PCDH17: variants seen among roughly 807,000 people sequenced by gnomAD.
The protein encoded by PCDH17 is protocadherin 17, also known as protocadherin-17.
Under a neutral mutation model 67.7 loss-of-function variants are expected in PCDH17, and 21 were observed. The ratio of observed to expected loss-of-function variants is 0.31; its 90% CI spans 0.22 to 0.45. PCDH17 has a LOEUF of 0.45. Among genes scored for constraint, PCDH17 ranks in the 20% least tolerant of loss-of-function variants. The pLI is 1.00. For synonymous variants in PCDH17, 701 were observed against 656.7 expected (o/e 1.07, Z -1.03); for missense variants, 1,471 against 1,564.8 (o/e 0.94, Z 1.01).
At chr13:57,662,089 A>G (rs1955191204) in intron 1 of PCDH17, among the ~76,000 whole-genome samples, 1 of 151,932 alleles carries the variant, frequency 6.6e-6, no homozygotes, top group Non-Finnish European at 1.5e-5. Context: ...CTGGTCTCGA[A>G]CTCCTGGCCT....
At chr13:57,699,195 A>T (rs975818764) in intron 3 of PCDH17, among the ~76,000 whole-genome samples, 1 of 152,032 alleles carries the variant, frequency 6.6e-6, no homozygotes, top group Non-Finnish European at 1.5e-5. Flanking sequence ...CAAAAGAGAT[A>T]TTAGAAAGTT....
chr13:57,681,825 C>G (rs1240759323), intron 3 of PCDH17, among the ~76,000 whole-genome samples: 1 of 151,714 alleles, frequency 6.6e-6, no homozygotes, highest in African/African-American at 2.4e-5. Flanking sequence ...AATAAGATCA[C>G]TTTTTATTTT....
intron 3 of PCDH17, among the ~76,000 whole-genome samples, chr13:57,712,917 A>G (rs948962862): frequency 1.3e-5 from 2 of 151,652 alleles, no homozygotes; most frequent in African/African-American, 4.8e-5. Context: ...CTGATTATCA[A>G]TGGAATCGCA....
At chr13:57,636,920 T>A (rs1954830981) in intron 1 of PCDH17, among the ~76,000 whole-genome samples, 2 of 152,100 alleles carry the variant, frequency 1.3e-5, no homozygotes, top group South Asian at 4.1e-4. Flanking sequence ...TGGTGCAGAA[T>A]TTTCAACAAG....
intron 1 of PCDH17, among the ~76,000 whole-genome samples, chr13:57,640,658 A>T (rs535172737): frequency 6.6e-6 from 1 of 152,140 alleles, no homozygotes; most frequent in African/African-American, 2.4e-5. Flanking sequence ...GTTGAAGCCT[A>T]TGTAGACGAA....
At chr13:57,724,582 G>T (rs777409737) in intron 3 of PCDH17, 30 bp from the exon 4 acceptor site, 53 of 1,563,008 alleles carry the variant, frequency 3.4e-5, no homozygotes, top group Non-Finnish European at 4.4e-5. Flanking sequence ...TCTAATGATT[G>T]GATTTGCTGT....
upstream of PCDH17, among the ~76,000 whole-genome samples, chr13:57,631,396 C>T (rs903280470): frequency 2.0e-5 from 3 of 152,142 alleles, no homozygotes; most frequent in African/African-American, 4.8e-5. Flanking sequence ...GGCCTCCCCC[C>T]TCCTCCTTTA....
chr13:57,672,865 C>T (rs971109319), intron 3 of PCDH17, among the ~76,000 whole-genome samples: 1 of 151,898 alleles, frequency 6.6e-6, no homozygotes, highest in Non-Finnish European at 1.5e-5. Flanking sequence ...ATTCCTGTGG[C>T]CCAATAGCAA....
intron 1 of PCDH17, among the ~76,000 whole-genome samples, chr13:57,656,359 G>C (rs1340218630): frequency 6.6e-6 from 1 of 151,928 alleles, no homozygotes; most frequent in Non-Finnish European, 1.5e-5. Flanking sequence ...TTATTAGCAG[G>C]TTTCTTAAAT....
chr13:57,690,323 CA>C (rs1286416725), intron 3 of PCDH17, among the ~76,000 whole-genome samples: 1 of 151,616 alleles, frequency 6.6e-6, no homozygotes, highest in East Asian at 1.9e-4. Context: ...TATTGGAACA[CA>C]TCTCTAAAAG....
chr13:57,657,193 A>T (rs1403925419), intron 1 of PCDH17, among the ~76,000 whole-genome samples: 4 of 152,284 alleles, frequency 2.6e-5, no homozygotes, highest in Admixed American at 2.6e-4. Flanking sequence ...TAAGAAAAAA[A>T]TCTAAGTCAT....
At chr13:57,658,218 T>C (rs531993075) in intron 1 of PCDH17, among the ~76,000 whole-genome samples, 48 of 152,318 alleles carry the variant, frequency 3.2e-4, no homozygotes, top group African/African-American at 1.2e-3. Flanking sequence ...CTTTTCTTCC[T>C]TAGTCTCTAA....
At chr13:57,670,092 T>A (rs1365272103) in intron 3 of PCDH17, among the ~76,000 whole-genome samples, 1 of 152,022 alleles carries the variant, frequency 6.6e-6, no homozygotes, top group Admixed American at 6.6e-5. Flanking sequence ...GAAGGCAGTA[T>A]AGAAATTTAA....
intron 1 of PCDH17, among the ~76,000 whole-genome samples, chr13:57,652,477 G>A (rs1041984812): frequency 9.2e-5 from 14 of 152,080 alleles, no homozygotes; most frequent in African/African-American, 2.9e-4. Flanking sequence ...TCTAGATATT[G>A]TAAATTTCTT....
At chr13:57,701,576 A>C (rs917030233) in intron 3 of PCDH17, among the ~76,000 whole-genome samples, 4 of 152,116 alleles carry the variant, frequency 2.6e-5, no homozygotes, top group African/African-American at 4.8e-5. Flanking sequence ...ATATTTTTTA[A>C]TAGAGAAGTA....
intron 1 of PCDH17, among the ~76,000 whole-genome samples, chr13:57,648,484 G>T (rs1294141854): frequency 6.6e-6 from 1 of 151,910 alleles, no homozygotes; most frequent in Non-Finnish European, 1.5e-5. Context: ...AAGTTAATTA[G>T]ATAAGAGCCA....
intron 3 of PCDH17, among the ~76,000 whole-genome samples, chr13:57,723,357 C>T (rs1955887062): frequency 6.6e-6 from 1 of 152,070 alleles, no homozygotes; most frequent in Non-Finnish European, 1.5e-5. Flanking sequence ...TAATTATTTA[C>T]ATGCTTTAAG....
At position 57,633,335 on chromosome 13, in the gene PCDH17, C is replaced by T. The variant is rs1312870123; in HGVS notation, c.789C>T (p.Ile263=). The T allele has an allele frequency of 6.2e-7, 1 of 1,613,224 alleles. No individual in the cohort carries two copies. Among genetic ancestry groups the T allele is most frequent in the Non-Finnish European group, 8.5e-7 (1 of 1,180,004 alleles). ...PENAPLGTVV[I]DLNATDADEG... ...ACGCTCCGCTGGGTACAGTGGTCAT[C>T]GATCTGAACGCCACCGACGCCGATG... is the stretch of plus-strand genomic sequence containing the variant. Residue 263 remains isoleucine (I), a synonymous_variant, in exon 1 of 4, where the codon ATC becomes ATT. Transcript: ENST00000377918. The surrounding 1 kb of genome is among the most constrained non-coding windows in gnomAD (Gnocchi z 6.2).
rs551266059 is a variant in PCDH17 at position 57,680,383 on chromosome 13, T to A, written c.2797+13550T>A. ...AGATGTAGCAAGCCATAGCATAATT[T>A]AGAAATGGCAAATAAATCAAAATAT... is the stretch of plus-strand genomic sequence containing the variant. On this transcript the variant is annotated intron_variant, in intron 3 of 3. Coordinates refer to ENST00000377918, the MANE Select transcript of PCDH17 (RefSeq NM_001040429.3). 5.9e-5 allele frequency among the ~76,000 whole-genome samples: 9 copies of A among 151,702 alleles called. No homozygotes were observed. The East Asian group carries it at 1.8e-3, about 30-fold the overall frequency.
Sources: gnomAD v4.1 joint callset for allele counts (sites outside exome capture counted in the v4.1 genomes callset) on GRCh38, gnomAD v4.1.1 for gene constraint, Gnocchi (gnomAD v3.1) non-coding constraint, MANE v1.5 for transcripts, NCBI Gene and HGNC (gene_info 2026-07-23, HGNC 2026-07-21) for gene names.